The following KCNH7 variants were observed in gnomAD, a reference collection of about 807,000 sequenced individuals.
KCNH7 encodes voltage-gated inwardly rectifying potassium channel KCNH7.
Under a neutral mutation model 120.8 loss-of-function variants are expected in KCNH7, and 49 were observed. The observed-to-expected ratio is 0.41, with a 90% CI of 0.32 to 0.51. KCNH7 has a LOEUF of 0.51. Among genes scored for constraint, KCNH7 ranks in the 20% least tolerant of loss-of-function variants. The probability of loss-of-function intolerance (pLI) is 0.38; values close to 1 mark genes in which losing one functional copy is unlikely to be tolerated. For synonymous variants in KCNH7, 547 were observed against 516.1 expected (o/e 1.06, Z -0.81); for missense variants, 1,097 against 1,446.6 (o/e 0.76, Z 3.92).
intron 2 of KCNH7, among the ~76,000 whole-genome samples, chr2:162,573,760 A>G (rs1267618202): frequency 6.6e-6 from 1 of 152,048 alleles, no homozygotes; most frequent in Admixed American, 6.6e-5. Context: ...TGTTATGTTC[A>G]ATATGGTATA....
Position 162,463,319 on chromosome 2 carries a change from T to C in KCNH7, c.1129-16876A>G, listed in dbSNP as rs535933564. ...CAGGTATTAAATCATTTATTTTTTT[T>C]CTCCTTCCCTCTCTCCTTTTCCTCC... On this transcript the variant is annotated intron_variant, in intron 6 of 15. Transcript: ENST00000332142. 7.2e-5 allele frequency among the ~76,000 whole-genome samples: 11 copies of C among 152,052 alleles called. No homozygotes were observed. The South Asian group carries it at 2.1e-3, about 29-fold the overall frequency.
At chr2:162,389,988 G>C (rs1171773463) in intron 12 of KCNH7, among the ~76,000 whole-genome samples, 1 of 151,882 alleles carries the variant, frequency 6.6e-6, no homozygotes, top group Non-Finnish European at 1.5e-5. Flanking sequence ...AAAAAACTCA[G>C]GGCACTTAGC....
chr2:162,715,531 C>T (rs943527889), intron 2 of KCNH7, among the ~76,000 whole-genome samples: 4 of 152,132 alleles, frequency 2.6e-5, no homozygotes, highest in African/African-American at 9.7e-5. Context: ...GTAGCTATGC[C>T]CTTCACCAGG....
chr2:162,614,158 ATCTATGGT>A (rs1481985027), intron 2 of KCNH7, among the ~76,000 whole-genome samples: 1 of 152,128 alleles, frequency 6.6e-6, no homozygotes, highest in East Asian at 1.9e-4. Context: ...ATCTTAAGCT[ATCTATGGT>A]TATAAAAACC....
chr2:162,766,184 T>TTGTG (rs1053345854), intron 2 of KCNH7, among the ~76,000 whole-genome samples: 1 of 151,916 alleles, frequency 6.6e-6, no homozygotes, highest in East Asian at 1.9e-4. Flanking sequence ...TGTGTGTGTT[T>TTGTG]TGTGTGTGTG....
At chr2:162,375,653 C>T (rs369717955) in intron 14 of KCNH7, among the ~76,000 whole-genome samples, 70 of 152,190 alleles carry the variant, frequency 4.6e-4, no homozygotes, top group Non-Finnish European at 8.2e-4. Context: ...TTGGGCCAGT[C>T]ACGATGGTTC....
chr2:162,666,821 C>T (rs914955614), intron 2 of KCNH7, among the ~76,000 whole-genome samples: 1 of 152,064 alleles, frequency 6.6e-6, no homozygotes, highest in African/African-American at 2.4e-5. Flanking sequence ...TTCCACTGTC[C>T]ATCCCAAGCC....
At chr2:162,452,944 A>C (rs1206010638) in intron 6 of KCNH7, among the ~76,000 whole-genome samples, 1 of 151,688 alleles carries the variant, frequency 6.6e-6, no homozygotes, top group African/African-American at 2.4e-5. Flanking sequence ...CTCTTATTTT[A>C]TTTCATTTTT....
chr2:162,663,724 C>A (rs1420448871), intron 2 of KCNH7, among the ~76,000 whole-genome samples: 1 of 151,892 alleles, frequency 6.6e-6, no homozygotes, highest in East Asian at 1.9e-4. Context: ...TAGCATCAGA[C>A]AATATGATAA....
chr2:162,478,965 C>G (rs1461452358), intron 6 of KCNH7, among the ~76,000 whole-genome samples: 1 of 152,004 alleles, frequency 6.6e-6, no homozygotes, highest in Admixed American at 6.5e-5. Context: ...TAGAAGGAAG[C>G]AGAACGGATC....
chr2:162,768,353 G>T (rs940229797), intron 2 of KCNH7, among the ~76,000 whole-genome samples: 1 of 151,706 alleles, frequency 6.6e-6, no homozygotes, highest in Non-Finnish European at 1.5e-5. Flanking sequence ...TTTATAAATT[G>T]TGCCTTTATG....
At chr2:162,607,745 G>C (rs1682830183) in intron 2 of KCNH7, among the ~76,000 whole-genome samples, 1 of 151,782 alleles carries the variant, frequency 6.6e-6, no homozygotes, top group Admixed American at 6.6e-5. Flanking sequence ...AAAATTCCAA[G>C]CACATTATAA....
At chr2:162,503,253 G>C (rs776627036) in intron 6 of KCNH7, among the ~76,000 whole-genome samples, 1 of 151,824 alleles carries the variant, frequency 6.6e-6, no homozygotes, top group Non-Finnish European at 1.5e-5. Flanking sequence ...TCATATAATG[G>C]TAGGAATCTA....
intron 2 of KCNH7, among the ~76,000 whole-genome samples, chr2:162,760,150 A>G (rs1287369332): frequency 1.3e-5 from 2 of 152,096 alleles, no homozygotes; most frequent in African/African-American, 4.8e-5. Context: ...ACACTTTGAC[A>G]TAGTTTGAAA....
chr2:162,521,759 C>T (rs1691533764), intron 3 of KCNH7, among the ~76,000 whole-genome samples: 1 of 151,780 alleles, frequency 6.6e-6, no homozygotes, highest in Admixed American at 6.6e-5. Flanking sequence ...AGAAACATTC[C>T]AATTCTACTC....
chr2:162,467,516 GCTCT>G (rs1217472584), intron 6 of KCNH7, among the ~76,000 whole-genome samples: 2 of 152,098 alleles, frequency 1.3e-5, no homozygotes, highest in African/African-American at 4.8e-5. Flanking sequence ...TACAAACCGG[GCTCT>G]CTTTTTCCTT....
chr2:162,572,121 G>A (rs1438974345), intron 2 of KCNH7, among the ~76,000 whole-genome samples: 1 of 151,928 alleles, frequency 6.6e-6, no homozygotes, highest in African/African-American at 2.4e-5. Flanking sequence ...CCTACAAAAT[G>A]GGAGAAAATT....
In KCNH7 at chr2:162,533,289, T is replaced by C. The variant is rs1035831217; in HGVS notation, c.463+3636A>G. Among the ~76,000 whole-genome samples, 6 of 151,942 alleles carry C rather than the reference T, an allele frequency of 3.9e-5. No individual in the cohort carries two copies. In the East Asian group the frequency reaches 9.7e-4, roughly 25 times the overall value. ...AAGAAAGTATATTTAACCTAGAATA[T>C]GTTAGTATCAAGAAAACAAACACAT... On this transcript the variant is annotated intron_variant, in intron 3 of 15. Coordinates refer to ENST00000332142, the MANE Select transcript of KCNH7 (RefSeq NM_033272.4).
chr2:162,559,592 T>C (rs1194754154), intron 2 of KCNH7, among the ~76,000 whole-genome samples: 1 of 152,232 alleles, frequency 6.6e-6, no homozygotes, highest in Non-Finnish European at 1.5e-5. Flanking sequence ...TTATATTATC[T>C]CCAAGTTCCC....
Sources: gnomAD v4.1 joint callset for allele counts (sites outside exome capture counted in the v4.1 genomes callset) on GRCh38, gnomAD v4.1.1 for gene constraint, MANE v1.5 for transcripts, NCBI Gene and HGNC (gene_info 2026-07-23, HGNC 2026-07-21) for gene names.